IKBKE: variants seen among roughly 807,000 people sequenced by gnomAD.
The protein encoded by IKBKE is inhibitor of nuclear factor kappa B kinase subunit epsilon, also known as inhibitor of nuclear factor kappa-B kinase subunit epsilon.
A neutral mutation model predicts 92.1 loss-of-function variants in IKBKE; 45 were observed. That is an observed-to-expected ratio of 0.49 (90% confidence interval 0.38 to 0.63). IKBKE has a LOEUF of 0.63. IKBKE is among the 20% of genes least tolerant of loss of function. The probability of loss-of-function intolerance (pLI) is 0.00; values close to 1 mark genes in which losing one functional copy is unlikely to be tolerated. For missense variants in IKBKE, 700 were observed against 932.8 expected (o/e 0.75, Z 3.25); for synonymous variants, 374 against 380.3 (o/e 0.98, Z 0.19).
Position 206,485,128 on chromosome 1 carries a change from C to A in IKBKE, c.1503+56C>A. 6.3e-7 allele frequency: 1 copy of A among 1,590,034 alleles called. No individual in the cohort carries two copies. Among genetic ancestry groups the A allele is most frequent in the Non-Finnish European group, 8.6e-7 (1 of 1,158,220 alleles). ...AGGATCAGAGCTGGGGGCCCGTGTTCCAGCCAGCCTGCCCACCAGTGCCCA... is the reference window on the plus strand; with the variant it reads ...AGGATCAGAGCTGGGGGCCCGTGTTACAGCCAGCCTGCCCACCAGTGCCCA... On this transcript the variant is annotated intron_variant, in intron 14 of 21. Coordinates refer to ENST00000581977, the MANE Select transcript of IKBKE (RefSeq NM_014002.4). The surrounding 1 kb of genome is among the most constrained non-coding windows in gnomAD (Gnocchi z 5.0).
rs1218956518 is a variant in IKBKE at position 206,487,736 on chromosome 1, CTG to C, written c.1617-176_1617-175del. Among the ~76,000 whole-genome samples the C allele has an allele frequency of 6.6e-6, 1 of 152,152 alleles. No homozygotes were observed. The highest frequency in any genetic ancestry group is 1.5e-5 in the Non-Finnish European group (1 of 68,032). Reference sequence around the variant, plus strand: ...ATGAGAACGAGAGACGGCTGGCTGACTGTACGGGGTCTCAAATAAGCCTAGAG... The same window carrying C: ...ATGAGAACGAGAGACGGCTGGCTGACTACGGGGTCTCAAATAAGCCTAGAG... On this transcript the variant is annotated intron_variant, in intron 15 of 21. Coordinates refer to ENST00000581977, the MANE Select transcript of IKBKE (RefSeq NM_014002.4). This position sits in a 1 kb window ranked among gnomAD's most constrained non-coding sequence, Gnocchi z 5.3.
In IKBKE at chr1:206,496,189, C is replaced by T. The variant is rs1553392050; in HGVS notation, c.*44C>T. The T allele has an allele frequency of 2.0e-6, 3 of 1,523,922 alleles. No homozygotes were observed. Among genetic ancestry groups the T allele is most frequent in the African/African-American group, 2.7e-5 (2 of 73,406 alleles). 94.4% of individuals were successfully genotyped at this position (1,523,922 alleles called of 1,614,324 possible). A position where few individuals can be genotyped will look rare whatever the true frequency, so the allele number is the denominator to read the frequency against. On this transcript the variant is annotated 3_prime_UTR_variant, in exon 22 of 22. Transcript: ENST00000581977. ...GGCATCCTGAAGCATTAGAATGATTCCAACACTGCTCTTCTGCACCATGAG... is the reference window on the plus strand; with the variant it reads ...GGCATCCTGAAGCATTAGAATGATTTCAACACTGCTCTTCTGCACCATGAG...
intron 7 of IKBKE, among the ~76,000 whole-genome samples, chr1:206,477,105 G>A (rs1465656672): frequency 6.6e-6 from 1 of 152,286 alleles, no homozygotes; most frequent in Non-Finnish European, 1.5e-5. Context: ...TGCTCTCCTC[G>A]TCTCAACCGA....
chr1:206,473,742 T>A (rs1325083001), intron 3 of IKBKE, among the ~76,000 whole-genome samples: 1 of 151,872 alleles, frequency 6.6e-6, no homozygotes, highest in East Asian at 1.9e-4. Context: ...GGTGGGCAGA[T>A]CACGAGGTCA....
intron 18 of IKBKE, 127 bp downstream of exon 18, chr1:206,491,876 G>A (rs919551766): frequency 3.8e-5 from 25 of 660,300 alleles, no homozygotes; most frequent in Non-Finnish European, 6.7e-5. Context: ...GAGCAGAGGA[G>A]TGGTTTTCTG....
At chr1:206,477,381 G>A (rs1327438187) in intron 7 of IKBKE, among the ~76,000 whole-genome samples, 2 of 152,224 alleles carry the variant, frequency 1.3e-5, no homozygotes, top group Non-Finnish European at 2.9e-5. Context: ...AGGGGCAGAA[G>A]ACCAGCATGG....
intron 18 of IKBKE, 161 bp from the exon 19 acceptor site, chr1:206,492,862 C>G (rs782362574): frequency 2.8e-6 from 2 of 715,608 alleles, no homozygotes; most frequent in African/African-American, 3.5e-5. Context: ...TGCAGTGGGG[C>G]GGGCAAGCGT....
At chr1:206,491,490 G>A (rs114260480) in intron 17 of IKBKE, 158 bp from the exon 18 acceptor site, 41 of 554,808 alleles carry the variant, frequency 7.4e-5, no homozygotes, top group East Asian at 5.7e-4. Context: ...GTGTGTGACC[G>A]TCCTTCCTCC....
chr1:206,479,605 T>C (rs1446312381), intron 10 of IKBKE, among the ~76,000 whole-genome samples: 1 of 152,176 alleles, frequency 6.6e-6, no homozygotes. Flanking sequence ...GGTATTCACC[T>C]CAAAACCTGT....
rs1665896570 is a variant in IKBKE at position 206,490,603 on chromosome 1, A to T, written c.1694-216A>T. On this transcript the variant is annotated intron_variant, in intron 16 of 21. Coordinates refer to ENST00000581977, the MANE Select transcript of IKBKE (RefSeq NM_014002.4). This position sits in a 1 kb window ranked among gnomAD's most constrained non-coding sequence, Gnocchi z 5.2. ...TGCCTTCCCCTGGGGCCCTCACACA[A>T]TTTCCCCATGGCTTCTTGAGGCCCT... 6.6e-6 allele frequency among the ~76,000 whole-genome samples: 1 copy of T among 151,854 alleles called. No homozygotes were observed. Among genetic ancestry groups the T allele is most frequent in the Non-Finnish European group, 1.5e-5 (1 of 67,960 alleles).
chr1:206,493,564 G>A (rs1666064322), intron 20 of IKBKE, among the ~76,000 whole-genome samples, 186 bp downstream of exon 20: 1 of 152,210 alleles, frequency 6.6e-6, no homozygotes, highest in African/African-American at 2.4e-5. Flanking sequence ...AAGGTGAGCG[G>A]ATCAACTTGA....
intron 2 of IKBKE, among the ~76,000 whole-genome samples, chr1:206,471,499 G>A (rs1664770466): frequency 6.6e-6 from 1 of 152,208 alleles, no homozygotes. Context: ...CTGGGGGTCT[G>A]CGCTTTGCAC....
chr1:206,479,658 A>C (rs565778218), intron 10 of IKBKE, among the ~76,000 whole-genome samples: 1 of 152,306 alleles, frequency 6.6e-6, no homozygotes, highest in South Asian at 2.1e-4. Flanking sequence ...CTTGGACATG[A>C]GGAGGTAGTT....
intron 16 of IKBKE, among the ~76,000 whole-genome samples, chr1:206,489,957 T>C (rs1665864193): frequency 6.6e-6 from 1 of 152,132 alleles, no homozygotes; most frequent in Non-Finnish European, 1.5e-5. Context: ...AAATGCCCGG[T>C]GGTCTTCAGG....
At chr1:206,491,302 T>C in intron 17 of IKBKE, 2 of 355,142 alleles carry the variant, frequency 5.6e-6, no homozygotes, top group Non-Finnish European at 1.1e-5. Context: ...CCCCGACCCC[T>C]TTTTGTCTCA....
At position 206,474,995 on chromosome 1, in the gene IKBKE, G is replaced by T; in HGVS notation, c.358+1G>T. The T allele has an allele frequency of 6.2e-7, 1 of 1,613,784 alleles. No individual in the cohort carries two copies. The highest frequency in any genetic ancestry group is 1.1e-5 in the South Asian group (1 of 91,044). On this transcript the variant is annotated splice_donor_variant, in intron 5 of 21. Transcript: ENST00000581977. LOFTEE classifies it high-confidence loss of function. ...TTCCTGGTGGTGCTGCGCTGTGTGGGTGAGCCCCTCCCTGTCCCTGCCTCC... is the reference window on the plus strand; with the variant it reads ...TTCCTGGTGGTGCTGCGCTGTGTGGTTGAGCCCCTCCCTGTCCCTGCCTCC...
At position 206,487,037 on chromosome 1, in the gene IKBKE, G is replaced by A. The variant is rs1665705434; in HGVS notation, c.1617-877G>A. 6.6e-6 allele frequency among the ~76,000 whole-genome samples: 1 copy of A among 152,256 alleles called. No homozygotes were observed. The highest frequency in any genetic ancestry group is 2.4e-5 in the African/African-American group (1 of 41,468). On this transcript the variant is annotated intron_variant, in intron 15 of 21. Coordinates refer to ENST00000581977, the MANE Select transcript of IKBKE (RefSeq NM_014002.4). This position sits in a 1 kb window ranked among gnomAD's most constrained non-coding sequence, Gnocchi z 5.3. ...TTTGGATGAAGGCTGTGGATCTGAG[G>A]CCTGTCCCAGCCACTTCATCTTCCA... is the stretch of plus-strand genomic sequence containing the variant.
At chr1:206,489,369 GTATATATATATA>G (rs368827445) in intron 16 of IKBKE, among the ~76,000 whole-genome samples, 19 of 119,208 alleles carry the variant, frequency 1.6e-4, no homozygotes, top group African/African-American at 2.4e-4. Context: ...GTGTGTGTGT[GTATATATATATA>G]TATATATATA....
rs1553392071 is a variant in IKBKE at position 206,496,243 on chromosome 1, C to G, written c.*98C>G. The stretch of plus-strand genomic sequence containing the variant: ...AACCCAGGGCAAGATCCCATCCCAT[C>G]ACATCAGCCTACCTCCCTCCTGGCT... On this transcript the variant is annotated 3_prime_UTR_variant, in exon 22 of 22. Coordinates refer to ENST00000581977, the MANE Select transcript of IKBKE (RefSeq NM_014002.4). 3 of 981,108 alleles carry G rather than the reference C, an allele frequency of 3.1e-6. No individual in the cohort carries two copies. The African/African-American group carries it at 4.8e-5, about 16-fold the overall frequency. 60.8% of individuals were successfully genotyped at this position (981,108 alleles called of 1,614,324 possible).
Sources: allele counts gnomAD v4.1 joint callset (sites outside exome capture counted in the v4.1 genomes callset), GRCh38; gene constraint gnomAD v4.1.1; non-coding constraint Gnocchi (gnomAD v3.1); transcripts MANE v1.5; gene names NCBI Gene and HGNC (gene_info 2026-07-23, HGNC 2026-07-21).